Variants in RAB11FIP3 observed in about 807,000 individuals in gnomAD.
RAB11FIP3 encodes the protein RAB11 family interacting protein 3.
RAB11FIP3 carries 17 observed loss-of-function variants against 77.8 expected under a neutral mutation model. The ratio of observed to expected loss-of-function variants is 0.22; its 90% CI spans 0.15 to 0.33. The LOEUF is 0.33. Ranked by LOEUF, RAB11FIP3 falls within the 10% of genes least tolerant of loss-of-function variation. The pLI, the probability that RAB11FIP3 is intolerant of heterozygous loss-of-function variation, is 1.00. For synonymous variants in RAB11FIP3, 437 were observed against 448.2 expected (o/e 0.98, Z 0.31); for missense variants, 1,005 against 1,011.2 (o/e 0.99, Z 0.08).
At chr16:452,032 C>T (rs966202995) in intron 1 of RAB11FIP3, among the ~76,000 whole-genome samples, 1 of 152,064 alleles carries the variant, frequency 6.6e-6, no homozygotes, top group African/African-American at 2.4e-5. Context: ...GCCTGTAATC[C>T]CAGCTACTCG....
intron 1 of RAB11FIP3, among the ~76,000 whole-genome samples, chr16:445,200 A>G (rs945644711): frequency 6.6e-6 from 1 of 151,334 alleles, no homozygotes; most frequent in Non-Finnish European, 1.5e-5. Flanking sequence ...TAGGAGGCCA[A>G]GGCAGGCAGA....
chr16:459,595 C>G (rs1354082127), intron 1 of RAB11FIP3, among the ~76,000 whole-genome samples: 3 of 151,914 alleles, frequency 2.0e-5, no homozygotes, highest in Non-Finnish European at 4.4e-5. Flanking sequence ...CGCCACCACA[C>G]CTGGTTAATT....
chr16:475,623 G>A (rs774502727), intron 3 of RAB11FIP3, among the ~76,000 whole-genome samples: 10 of 152,184 alleles, frequency 6.6e-5, no homozygotes, highest in Admixed American at 1.3e-4. Flanking sequence ...AGCAGGTGGG[G>A]TGGCTCCTGT....
At position 492,147 on chromosome 16, in the gene RAB11FIP3, C is replaced by T. The variant is rs567576705; in HGVS notation, c.1265+3147C>T. On this transcript the variant is annotated intron_variant, in intron 5 of 13. Transcript: ENST00000262305. ...CTTGCTGGCGGGCGCTCACTGCCCA[C>T]GGCCTTATTGAGGCTTCTGTCCTGC... Among the ~76,000 whole-genome samples the T allele has an allele frequency of 5.9e-5, 9 of 152,330 alleles. No homozygotes were observed. The Middle Eastern group carries it at 0.01, about 173-fold the overall frequency.
chr16:454,174 C>T (rs1016676165), intron 1 of RAB11FIP3, among the ~76,000 whole-genome samples: 8 of 152,182 alleles, frequency 5.3e-5, no homozygotes, highest in African/African-American at 1.9e-4. Context: ...AAGGCCTCCC[C>T]TCATCTAGAG....
intron 4 of RAB11FIP3, among the ~76,000 whole-genome samples, chr16:485,165 G>A (rs1278420388): frequency 6.6e-6 from 1 of 152,148 alleles, no homozygotes; most frequent in Non-Finnish European, 1.5e-5. Context: ...CAGCCCGGCT[G>A]TTGTGCTGCA....
chr16:451,690 C>A (rs2055411047), intron 1 of RAB11FIP3: 1 of 151,954 alleles, frequency 6.6e-6, no homozygotes, highest in African/African-American at 2.4e-5. Context: ...AAAAAATTAG[C>A]CAGGCATGGT....
At chr16:515,698 C>T (rs757678290) in intron 9 of RAB11FIP3, among the ~76,000 whole-genome samples, 3 of 151,772 alleles carry the variant, frequency 2.0e-5, no homozygotes, top group Non-Finnish European at 2.9e-5. Context: ...CGACACGCAC[C>T]GGTGTTTGCA....
intron 2 of RAB11FIP3, among the ~76,000 whole-genome samples, chr16:466,503 G>T (rs932366687): frequency 4.6e-5 from 7 of 152,222 alleles, no homozygotes; most frequent in Non-Finnish European, 1.0e-4. Context: ...GAGTCAGGGT[G>T]TGGGAGATGC....
chr16:482,823 G>T, intron 4 of RAB11FIP3, 87 bp downstream of exon 4: 1 of 1,376,834 alleles, frequency 7.3e-7, no homozygotes, highest in Admixed American at 2.0e-5. Flanking sequence ...GGGTCTTGGA[G>T]GAGTGCGTGC....
At chr16:492,973 C>T (rs769886089) in intron 5 of RAB11FIP3, among the ~76,000 whole-genome samples, 2 of 152,100 alleles carry the variant, frequency 1.3e-5, no homozygotes, top group Non-Finnish European at 2.9e-5. Context: ...GCGGGCCAGG[C>T]GCAGTGACTC....
At chr16:519,731 A>G in intron 10 of RAB11FIP3, 23 bp from the exon 11 acceptor site, 1 of 1,609,162 alleles carries the variant, frequency 6.2e-7, no homozygotes, top group Non-Finnish European at 8.5e-7. Context: ...ACCCGCATCC[A>G]GGGCAGGTGT....
chr16:489,196 C>A, intron 5 of RAB11FIP3, 196 bp downstream of exon 5: 1 of 670,252 alleles, frequency 1.5e-6, no homozygotes, highest in Non-Finnish European at 2.4e-6. Context: ...CTTCTCCAGC[C>A]ACATCCCCAG....
rs1158617030 is a variant in RAB11FIP3, at chr16:496,853, T to C, written c.1295T>C (p.Val432Ala). Residue 432 changes from valine (V) to alanine (A), a missense_variant, in exon 6 of 14, where the codon GTG becomes GCG. Val to Ala is a moderately conservative substitution (Grantham distance 64, BLOSUM62 0). Coordinates refer to ENST00000262305, the MANE Select transcript of RAB11FIP3 (RefSeq NM_014700.4). ...SPTKRLSSKK[V>A]ARYLHQSGAL... ...ACAAAGCGGCTCTCCAGCAAGAAGG[T>C]GGCAAGGTAGGTGGGTCTCTGGTTC... 1.3e-6 allele frequency: 2 copies of C among 1,591,118 alleles called. No homozygotes were observed. The highest frequency in any genetic ancestry group is 1.3e-5 in the African/African-American group (1 of 74,410).
Position 426,905 on chromosome 16 carries a change from C to T in RAB11FIP3, c.714+185C>T, listed in dbSNP as rs539215522. Among the ~76,000 whole-genome samples, 59 of 152,228 alleles carry T rather than the reference C, an allele frequency of 3.9e-4. No homozygotes were observed. The highest frequency in any genetic ancestry group is 1.4e-3 in the African/African-American group (58 of 41,532). ...TTTCTGGTTGAATTGCGCTGGAGTC[C>T]CTCTTCCCTTCTTAAAAGGAGGTTC... On this transcript the variant is annotated intron_variant, in intron 1 of 13. Coordinates refer to ENST00000262305, the MANE Select transcript of RAB11FIP3 (RefSeq NM_014700.4). This position sits in a 1 kb window ranked among gnomAD's most constrained non-coding sequence, Gnocchi z 5.0.
intron 3 of RAB11FIP3, among the ~76,000 whole-genome samples, chr16:479,640 C>G (rs1192260918): frequency 6.6e-6 from 1 of 152,170 alleles, no homozygotes; most frequent in Admixed American, 6.5e-5. Context: ...AGAAATTACT[C>G]TGCCAGGCTC....
intron 4 of RAB11FIP3, among the ~76,000 whole-genome samples, chr16:485,772 G>A (rs1596260209): frequency 6.6e-6 from 1 of 152,182 alleles, no homozygotes; most frequent in Admixed American, 6.5e-5. Flanking sequence ...ATGTTTATTA[G>A]CACTTTTGTG....
rs1567374094 is a variant in RAB11FIP3, at chr16:468,053, T to TCA, written c.809-3242_809-3241insCA. Among the ~76,000 whole-genome samples, 125 of 27,424 alleles carry TCA rather than the reference T, an allele frequency of 4.6e-3. 4 individuals carry two copies. Among genetic ancestry groups the TCA allele is most frequent in the Admixed American group, 5.9e-3 (14 of 2,368 alleles). The allele number at this position is 27,424 out of a possible 152,430, so 18.0% of individuals were successfully genotyped here. A position where few individuals can be genotyped will look rare whatever the true frequency, so the allele number is the denominator to read the frequency against. ...AAGTCAGGGAGGAGGTGCAGGGGCGTTGGAGGAGGTGCAGGGAAGTGAGGG... is the reference window on the plus strand; with the variant it reads ...AAGTCAGGGAGGAGGTGCAGGGGCGTCATGGAGGAGGTGCAGGGAAGTGAGGG... On this transcript the variant is annotated intron_variant, in intron 2 of 13. Coordinates refer to ENST00000262305, the MANE Select transcript of RAB11FIP3 (RefSeq NM_014700.4).
intron 5 of RAB11FIP3, among the ~76,000 whole-genome samples, chr16:489,996 G>A (rs1388608585): frequency 1.3e-5 from 2 of 152,208 alleles, no homozygotes; most frequent in African/African-American, 2.4e-5. Context: ...CTCCCAGCGC[G>A]TGGTGGTGTC....
Sources: gnomAD v4.1 joint callset for allele counts (sites outside exome capture counted in the v4.1 genomes callset) on GRCh38, gnomAD v4.1.1 for gene constraint, Gnocchi (gnomAD v3.1) non-coding constraint, MANE v1.5 for transcripts, NCBI Gene and HGNC (gene_info 2026-07-23, HGNC 2026-07-21) for gene names.